Variants in SEC24D observed in about 807,000 individuals in gnomAD.
The protein encoded by SEC24D is protein transport protein Sec24D.
SEC24D carries 69 observed loss-of-function variants against 116.9 expected under a neutral mutation model. That is an observed-to-expected ratio of 0.59 (90% CI 0.49 to 0.72). The LOEUF (loss-of-function observed/expected upper bound fraction) is 0.72. Ranked by LOEUF, SEC24D falls within the 30% of genes least tolerant of loss-of-function variation. SEC24D has a pLI of 0.00. For missense variants in SEC24D, 1,131 were observed against 1,264.1 expected (o/e 0.89, Z 1.60); for synonymous variants, 405 against 442.8 (o/e 0.91, Z 1.07).
intron 21 of SEC24D, 86 bp downstream of exon 21, chr4:118,731,229 TC>T: frequency 5.7e-6 from 6 of 1,057,382 alleles, no homozygotes; most frequent in Non-Finnish European, 8.5e-6. Context: ...TATTTTTCTT[TC>T]TGTAATATTT....
intron 2 of SEC24D, among the ~76,000 whole-genome samples, chr4:118,832,362 T>C (rs1265607491): frequency 3.3e-5 from 5 of 152,098 alleles, no homozygotes; most frequent in African/African-American, 7.2e-5. Flanking sequence ...CATTGAGAAA[T>C]AGGACACTGA....
At chr4:118,784,192 A>T (rs1334654155) in intron 8 of SEC24D, among the ~76,000 whole-genome samples, 3 of 152,260 alleles carry the variant, frequency 2.0e-5, no homozygotes, top group African/African-American at 7.2e-5. Flanking sequence ...ACAGGAATTT[A>T]AAAAGTTGAG....
chr4:118,731,199 T>A, intron 21 of SEC24D, 117 bp downstream of exon 21: 2 of 800,318 alleles, frequency 2.5e-6, no homozygotes, highest in South Asian at 1.7e-5. Flanking sequence ...TTCTTTCATA[T>A]ACAGAAATAT....
rs1368965769 is a variant in SEC24D, at chr4:118,743,997, GTTGTAT to G, written c.1980_1985del (p.Lys660_Tyr661del). 1.3e-6 allele frequency: 2 copies of G among 1,595,850 alleles called. No individual in the cohort carries two copies. Among genetic ancestry groups the G allele is most frequent in the Non-Finnish European group, 8.5e-7 (1 of 1,173,728 alleles). On this transcript the variant is annotated inframe_deletion, in exon 15 of 23. Coordinates refer to ENST00000280551, the MANE Select transcript of SEC24D (RefSeq NM_014822.4). Reference sequence around the variant, plus strand: ...AATTGCTGGCATTTACCTGGAAATTGTTGTATTTGTAAAGGGTTCCTCCAGTGAGCT... The same window carrying G: ...AATTGCTGGCATTTACCTGGAAATTGTTGTAAAGGGTTCCTCCAGTGAGCT...
chr4:118,811,499 A>T (rs1347445300), intron 6 of SEC24D, among the ~76,000 whole-genome samples: 1 of 152,264 alleles, frequency 6.6e-6, no homozygotes, highest in African/African-American at 2.4e-5. Context: ...ACATTTAAAC[A>T]GGCAGGCTTT....
At chr4:118,780,363 G>C (rs2110485592) in intron 8 of SEC24D, among the ~76,000 whole-genome samples, 1 of 152,302 alleles carries the variant, frequency 6.6e-6, no homozygotes, top group Admixed American at 6.5e-5. Context: ...TATGTACCCA[G>C]TAGTCACTCA....
At chr4:118,814,979 A>G in intron 6 of SEC24D, 49 bp downstream of exon 6, 1 of 1,594,530 alleles carries the variant, frequency 6.3e-7, no homozygotes, top group Non-Finnish European at 8.6e-7. Flanking sequence ...GCTGAGAAAA[A>G]TTAATGCTCC....
intron 6 of SEC24D, among the ~76,000 whole-genome samples, chr4:118,811,317 A>G (rs1729914564): frequency 6.6e-6 from 1 of 152,232 alleles, no homozygotes; most frequent in African/African-American, 2.4e-5. Context: ...AATGATCTAG[A>G]CACAGAAAAA....
chr4:118,762,623 GC>G (rs1727440093), intron 10 of SEC24D, among the ~76,000 whole-genome samples: 1 of 151,920 alleles, frequency 6.6e-6, no homozygotes, highest in South Asian at 2.1e-4. Context: ...AATTAAATAA[GC>G]TTTTTCATTG....
At chr4:118,829,886 TA>T in intron 2 of SEC24D, among the ~76,000 whole-genome samples, 1 of 151,970 alleles carries the variant, frequency 6.6e-6, no homozygotes, top group Non-Finnish European at 1.5e-5. Flanking sequence ...GGAGATACGA[TA>T]ATGTGAGCAA....
At chr4:118,729,892 CATT>C (rs1725597310) in intron 21 of SEC24D, 1 of 152,170 alleles carries the variant, frequency 6.6e-6, no homozygotes, top group South Asian at 2.1e-4. Context: ...CCCCTATATG[CATT>C]ATGTGGCATA....
At chr4:118,724,268 A>G (rs960527042) in intron 22 of SEC24D, among the ~76,000 whole-genome samples, 4 of 152,174 alleles carry the variant, frequency 2.6e-5, no homozygotes, top group African/African-American at 9.6e-5. Context: ...GATGCTAGAG[A>G]GGTTAACACA....
intron 3 of SEC24D, among the ~76,000 whole-genome samples, chr4:118,817,837 A>C (rs1038530431): frequency 6.6e-6 from 1 of 152,050 alleles, no homozygotes; most frequent in South Asian, 2.1e-4. Context: ...CCAGGAATTC[A>C]AGACCAGCCT....
At chr4:118,824,831 C>T in intron 2 of SEC24D, 82 bp from the exon 3 acceptor site, 1 of 1,295,444 alleles carries the variant, frequency 7.7e-7, no homozygotes, top group Non-Finnish European at 1.0e-6. Context: ...AAAATGAGAA[C>T]TAGGTGGAGG....
chr4:118,773,489 T>A (rs1728002775), intron 8 of SEC24D, among the ~76,000 whole-genome samples: 1 of 152,202 alleles, frequency 6.6e-6, no homozygotes. Flanking sequence ...AGCGGCTACT[T>A]CTTGGAATTG....
intron 8 of SEC24D, among the ~76,000 whole-genome samples, chr4:118,774,596 A>G (rs1033835201): frequency 2.6e-5 from 4 of 152,080 alleles, no homozygotes; most frequent in African/African-American, 7.2e-5. Context: ...CCTCTATACT[A>G]TATGTGCAAG....
chr4:118,825,434 T>C (rs560136313), intron 2 of SEC24D: 3 of 395,806 alleles, frequency 7.6e-6, no homozygotes, highest in South Asian at 1.9e-5. Flanking sequence ...TCTTCTCAAA[T>C]AGAGACCTTT....
intron 8 of SEC24D, among the ~76,000 whole-genome samples, chr4:118,778,929 T>G (rs969470962): frequency 2.0e-5 from 3 of 152,212 alleles, no homozygotes; most frequent in African/African-American, 7.2e-5. Context: ...ATAGGAATGC[T>G]TGTGATTTTT....
intron 11 of SEC24D, among the ~76,000 whole-genome samples, chr4:118,753,124 A>G (rs1212810269): frequency 6.6e-6 from 1 of 152,180 alleles, no homozygotes. Context: ...CTAGGTAAAA[A>G]TCAAGTAAAC....
Sources: allele counts gnomAD v4.1 joint callset (sites outside exome capture counted in the v4.1 genomes callset), GRCh38; gene constraint gnomAD v4.1.1; transcripts MANE v1.5; gene names NCBI Gene and HGNC (gene_info 2026-07-23, HGNC 2026-07-21).